The following ROCK1 variants were observed in gnomAD, a reference collection of about 807,000 sequenced individuals.
ROCK1 encodes rho-associated protein kinase 1.
In ROCK1, 36 loss-of-function variants were observed where a neutral mutation model predicts 196.8. The ratio of observed to expected loss-of-function variants is 0.18; its 90% confidence interval spans 0.14 to 0.24. ROCK1 has a LOEUF of 0.24. Ranked by LOEUF, ROCK1 falls within the 10% of genes least tolerant of loss-of-function variation. ROCK1 has a pLI of 1.00. For missense variants in ROCK1, 920 were observed against 1,562.0 expected (o/e 0.59, Z 6.93); for synonymous variants, 443 against 515.9 (o/e 0.86, Z 1.91).
chr18:20,990,879 GCCT>G (rs2035618998), intron 18 of ROCK1, among the ~76,000 whole-genome samples: 1 of 149,958 alleles, frequency 6.7e-6, no homozygotes. Flanking sequence ...TCCTGCCTCA[GCCT>G]CCCCAGTAGC....
chr18:20,967,661 T>C, intron 26 of ROCK1, 91 bp downstream of exon 26: 1 of 1,033,440 alleles, frequency 9.7e-7, no homozygotes, highest in Non-Finnish European at 1.4e-6. Context: ...GTTCCCAATC[T>C]AAACAAGATA....
chr18:21,032,647 G>A (rs2036018988), intron 9 of ROCK1, among the ~76,000 whole-genome samples: 1 of 149,860 alleles, frequency 6.7e-6, no homozygotes, highest in Non-Finnish European at 1.5e-5. Flanking sequence ...AGCCTCTGAT[G>A]TAGCTGGGAC....
chr18:21,102,840 TGGGTGACA>T lies in ROCK1; in HGVS notation c.93+7970_93+7977del, dbSNP rs1406367845. On this transcript the variant is annotated intron_variant, in intron 1 of 32. Transcript: ENST00000399799. ...GAGATCATGCCACCACACTTCAGCCTGGGTGACAGGGCCAGACCCTGTCTCAAAAAAAA... is the reference window on the plus strand; with the variant it reads ...GAGATCATGCCACCACACTTCAGCCTGGGCCAGACCCTGTCTCAAAAAAAA... Among the ~76,000 whole-genome samples the T allele has an allele frequency of 1.1e-4, 16 of 151,628 alleles. No homozygotes were observed. In the East Asian group the frequency reaches 2.9e-3, roughly 28 times the overall value.
intron 8 of ROCK1, 95 bp downstream of exon 8, chr18:21,042,002 A>G: frequency 1.8e-6 from 2 of 1,142,710 alleles, no homozygotes; most frequent in Non-Finnish European, 2.5e-6. Context: ...TATTCTAACA[A>G]TTTACATGTA....
In ROCK1 at chr18:21,042,687, G is replaced by A. The variant is rs746157131; in HGVS notation, c.698C>T (p.Thr233Ile). Residue 233 changes from threonine (T) to isoleucine (I), a missense_variant, in exon 7 of 33, where the codon ACA (threonine) becomes ATA (isoleucine). Physicochemically the swap from Thr to Ile is moderately conservative, Grantham distance 89. Around this residue, in one of 6 missense-constraint regions of ROCK1, gnomAD observed 234 missense variants for 460.7 expected, o/e 0.51. Transcript: ENST00000399799. ...AATATAATCAGGTGTTCCAACCGCT[G>A]TATCACATCGTACCATGCCTTCCTA... is the stretch of plus-strand genomic sequence containing the variant. ...MNKEGMVRCD[T>I]AVGTPDYISP... The A allele has an allele frequency of 6.2e-7, 1 of 1,613,058 alleles. No individual in the cohort carries two copies. The highest frequency in any genetic ancestry group is 2.2e-5 in the East Asian group (1 of 44,810).
At chr18:21,005,327 A>AT (rs1347536821) in intron 16 of ROCK1, among the ~76,000 whole-genome samples, 1 of 152,180 alleles carries the variant, frequency 6.6e-6, no homozygotes, top group Non-Finnish European at 1.5e-5. Flanking sequence ...GTGTAATGGG[A>AT]TTTTATTTCT....
intron 2 of ROCK1, among the ~76,000 whole-genome samples, chr18:21,059,293 A>G (rs917074243): frequency 6.6e-6 from 1 of 152,158 alleles, no homozygotes; most frequent in Non-Finnish European, 1.5e-5. Context: ...ATTAAACAAG[A>G]TCTAATCTTT....
At position 20,970,501 on chromosome 18, in the gene ROCK1, A is replaced by G. The variant is rs1241413407; in HGVS notation, c.2667T>C (p.Ala889=). The change falls in exon 23 of 33, where the codon GCT becomes GCC. Residue 889 remains alanine (A), a synonymous_variant. Coordinates refer to ENST00000399799, the MANE Select transcript of ROCK1 (RefSeq NM_005406.3). ...QELQNEKETL[A]TQLDLAETKA... is the part of the protein sequence containing the mutation. Reference sequence around the variant, plus strand: ...TTGTTTCTGCTAGATCCAACTGAGTAGCAAGAGTTTCTCTGCAACAATTTT... The same window carrying G: ...TTGTTTCTGCTAGATCCAACTGAGTGGCAAGAGTTTCTCTGCAACAATTTT... 6 of 1,599,812 alleles carry G rather than the reference A, an allele frequency of 3.8e-6. No individual in the cohort carries two copies. Among genetic ancestry groups the G allele is most frequent in the Non-Finnish European group, 5.1e-6 (6 of 1,171,054 alleles).
At chr18:20,961,067 AATGTCTACTAGAAAT>A (rs2035321812) in intron 27 of ROCK1, among the ~76,000 whole-genome samples, 2 of 152,196 alleles carry the variant, frequency 1.3e-5, no homozygotes, top group African/African-American at 4.8e-5. Context: ...AAATATAACT[AATGTCTACTAGAAAT>A]ATCTGGGGGA....
intron 11 of ROCK1, among the ~76,000 whole-genome samples, chr18:21,022,131 T>C (rs2035918366): frequency 6.6e-6 from 1 of 151,994 alleles, no homozygotes; most frequent in South Asian, 2.1e-4. Context: ...TAAAAATATG[T>C]AGGCTTGCAA....
chr18:21,087,237 C>T (rs1323466860), intron 1 of ROCK1, among the ~76,000 whole-genome samples: 1 of 151,780 alleles, frequency 6.6e-6, no homozygotes, highest in Non-Finnish European at 1.5e-5. Flanking sequence ...GTTCAAGTGG[C>T]CCAGGAAGGC....
intron 21 of ROCK1, among the ~76,000 whole-genome samples, chr18:20,980,980 T>G (rs879899802): frequency 6.6e-6 from 1 of 151,708 alleles, no homozygotes; most frequent in Non-Finnish European, 1.5e-5. Flanking sequence ...GAAGACGTTA[T>G]AAAGAAATTT....
chr18:21,019,124 C>T (rs1347541862), intron 12 of ROCK1, among the ~76,000 whole-genome samples: 1 of 152,222 alleles, frequency 6.6e-6, no homozygotes, highest in East Asian at 1.9e-4. Context: ...TTTCAAAAAG[C>T]ACCTGATTTA....
At chr18:21,058,412 T>C (rs1197006975) in intron 2 of ROCK1, among the ~76,000 whole-genome samples, 1 of 152,280 alleles carries the variant, frequency 6.6e-6, no homozygotes, top group East Asian at 1.9e-4. Context: ...AATGTCACAA[T>C]AGGTAAAATA....
intron 22 of ROCK1, among the ~76,000 whole-genome samples, chr18:20,972,031 T>C (rs1202003702): frequency 6.6e-6 from 1 of 152,122 alleles, no homozygotes; most frequent in Non-Finnish European, 1.5e-5. Flanking sequence ...GCTGCTGTAT[T>C]AAGATCAGAC....
Position 20,984,339 on chromosome 18 carries a change from T to C in ROCK1, c.2489+12A>G. 1 of 1,575,554 alleles carries C rather than the reference T, an allele frequency of 6.3e-7. No individual in the cohort carries two copies. Among genetic ancestry groups the C allele is most frequent in the Middle Eastern group, 2.3e-4 (1 of 4,438 alleles). ...AAAAGAAAGAAATCACAATGTTATT[T>C]TAAAGACTTACTTCGTAAGCTGAGC... On this transcript the variant is annotated intron_variant, in intron 20 of 32. Transcript: ENST00000399799.
At chr18:21,013,610 C>T (rs775531040) in intron 13 of ROCK1, among the ~76,000 whole-genome samples, 5 of 152,024 alleles carry the variant, frequency 3.3e-5, no homozygotes, top group South Asian at 2.1e-4. Flanking sequence ...GTCACTGCTA[C>T]GCTGTCTGGG....
intron 9 of ROCK1, among the ~76,000 whole-genome samples, chr18:21,033,410 T>A (rs1161977151): frequency 6.6e-6 from 1 of 151,480 alleles, no homozygotes; most frequent in Non-Finnish European, 1.5e-5. Flanking sequence ...AGCTTCCCCC[T>A]ATGACCAGGA....
chr18:21,073,133 C>T (rs2036401572), intron 1 of ROCK1, among the ~76,000 whole-genome samples: 1 of 130,314 alleles, frequency 7.7e-6, no homozygotes, highest in Non-Finnish European at 1.6e-5. Context: ...AACAGAGGGG[C>T]CAATCAATGT....
Sources: allele counts gnomAD v4.1 joint callset (sites outside exome capture counted in the v4.1 genomes callset), GRCh38; gene constraint gnomAD v4.1.1; regional missense constraint gnomAD v4.1.1; transcripts MANE v1.5; gene names NCBI Gene and HGNC (gene_info 2026-07-23, HGNC 2026-07-21).